Variants in NUDT1 observed in about 807,000 individuals in gnomAD.
NUDT1 encodes the protein oxidized purine nucleoside triphosphate hydrolase.
In NUDT1, 16 loss-of-function variants were observed where a neutral mutation model predicts 11.3. That is an observed-to-expected ratio of 1.41 (90% confidence interval 0.96 to 2.15). The LOEUF is 2.15. Among genes scored for constraint, NUDT1 ranks in the 30% most tolerant of loss-of-function variants. The pLI is 0.00. For synonymous variants in NUDT1, 101 were observed against 84.4 expected (o/e 1.20, Z -1.08); for missense variants, 234 against 208.4 (o/e 1.12, Z -0.76).
chr7:2,247,361 C>A (rs938505391), intron 2 of NUDT1, among the ~76,000 whole-genome samples: 2 of 152,216 alleles, frequency 1.3e-5, no homozygotes, highest in African/African-American at 2.4e-5. Flanking sequence ...TAACCCCAGT[C>A]CAGAGGGCTG....
At chr7:2,244,527 G>T in intron 1 of NUDT1, 36 bp from the exon 2 acceptor site, 3 of 1,356,818 alleles carry the variant, frequency 2.2e-6, no homozygotes, top group Non-Finnish European at 2.9e-6. Flanking sequence ...CTCCACGCAC[G>T]TCATGGCTGA....
chr7:2,250,096 C>A, intron 3 of NUDT1, 94 bp downstream of exon 3: 1 of 1,533,692 alleles, frequency 6.5e-7, no homozygotes, highest in Non-Finnish European at 8.9e-7. Context: ...CTCTGAGTGC[C>A]AGGGACCGGG....
At position 2,251,018 on chromosome 7, in the gene NUDT1, C is replaced by A. The variant is rs761944519; in HGVS notation, c.*17C>A. 43 of 1,612,680 alleles carry A rather than the reference C, an allele frequency of 2.7e-5. No homozygotes were observed. In the South Asian group the frequency reaches 4.1e-4, roughly 15 times the overall value. Reference sequence around the variant, plus strand: ...ACGGTCTAGCGGGAGCCCAGGGCAGCCCCTGGGCAGGAGACGTGGCTGCTG... The same window carrying A: ...ACGGTCTAGCGGGAGCCCAGGGCAGACCCTGGGCAGGAGACGTGGCTGCTG... On this transcript the variant is annotated 3_prime_UTR_variant, in exon 4 of 4. Transcript: ENST00000356714.
intron 2 of NUDT1, among the ~76,000 whole-genome samples, chr7:2,244,961 G>A (rs966168901): frequency 6.6e-6 from 1 of 152,216 alleles, no homozygotes; most frequent in Non-Finnish European, 1.5e-5. Flanking sequence ...CGCGGTGTGC[G>A]GTGCGTGCTG....
chr7:2,248,251 C>G (rs934437295), intron 2 of NUDT1: 1 of 152,220 alleles, frequency 6.6e-6, no homozygotes, highest in African/African-American at 2.4e-5. Flanking sequence ...CTGAGGTGCC[C>G]AGCGGCTGCA....
chr7:2,247,034 G>T (rs1054264100), intron 2 of NUDT1, among the ~76,000 whole-genome samples: 4 of 152,176 alleles, frequency 2.6e-5, no homozygotes, highest in Non-Finnish European at 5.9e-5. Context: ...CAGGGCCCCG[G>T]GAACCCAGCA....
intron 2 of NUDT1, among the ~76,000 whole-genome samples, chr7:2,246,435 CAGA>C (rs746901724): frequency 2.0e-5 from 3 of 152,190 alleles, no homozygotes; most frequent in Non-Finnish European, 4.4e-5. Context: ...GAGACATTTG[CAGA>C]AGCACAGAGG....
intron 1 of NUDT1, chr7:2,242,616 C>A: frequency 3.0e-6 from 1 of 332,532 alleles, no homozygotes; most frequent in Non-Finnish European, 5.5e-6. Context: ...TGACCTGCCT[C>A]CGCCACCAGG....
intron 1 of NUDT1, chr7:2,242,466 G>A: frequency 2.0e-6 from 1 of 493,440 alleles, no homozygotes; most frequent in Non-Finnish European, 3.6e-6. Context: ...AAGGAGAGCG[G>A]GGCGGAGGCT....
intron 2 of NUDT1, among the ~76,000 whole-genome samples, chr7:2,245,543 C>T (rs33922585): frequency 0.29 from 44,482 of 152,096 alleles, 7,885 homozygotes; most frequent in East Asian, 0.56. Flanking sequence ...AGTAGCCGCC[C>T]TTATTACATA....
chr7:2,247,875 G>GT (rs1295814648), intron 2 of NUDT1: 1 of 152,280 alleles, frequency 6.6e-6, no homozygotes, highest in Admixed American at 6.5e-5. Context: ...GCCAAGAGGC[G>GT]GGTGAGGCCC....
intron 2 of NUDT1, among the ~76,000 whole-genome samples, chr7:2,247,072 C>T (rs1003570195): frequency 2.6e-5 from 4 of 152,202 alleles, no homozygotes; most frequent in Admixed American, 6.5e-5. Flanking sequence ...CAGGGGATGA[C>T]GTACCATCAG....
At chr7:2,247,124 G>A (rs962885070) in intron 2 of NUDT1, among the ~76,000 whole-genome samples, 21 of 152,196 alleles carry the variant, frequency 1.4e-4, no homozygotes, top group African/African-American at 4.6e-4. Flanking sequence ...GTACCTGCGA[G>A]TCTGAATGGA....
At chr7:2,244,467 A>G in intron 1 of NUDT1, 96 bp from the exon 2 acceptor site, 2 of 419,784 alleles carry the variant, frequency 4.8e-6, no homozygotes, top group Non-Finnish European at 8.3e-6. Flanking sequence ...CCCGCCCCCC[A>G]CTGCCTCCCA....
intron 2 of NUDT1, among the ~76,000 whole-genome samples, chr7:2,247,558 C>T (rs867042213): frequency 1.3e-5 from 2 of 152,222 alleles, no homozygotes; most frequent in Admixed American, 6.5e-5. Flanking sequence ...CCGGAACCTC[C>T]GACTCCCACC....
chr7:2,244,459 C>CCCCCCCCCCA, intron 1 of NUDT1, 104 bp from the exon 2 acceptor site: 18 of 971,518 alleles, frequency 1.9e-5, no homozygotes, highest in East Asian at 8.6e-5. Flanking sequence ...CATACCCCCC[C>CCCCCCCCCCA]GCCCCCCACT....
At chr7:2,250,520 C>T (rs1192919641) in intron 3 of NUDT1, among the ~76,000 whole-genome samples, 3 of 152,252 alleles carry the variant, frequency 2.0e-5, no homozygotes, top group Non-Finnish European at 2.9e-5. Flanking sequence ...GGCAATGGCG[C>T]AATCTCGGCT....
Position 2,250,696 on chromosome 7 carries a change from G to A in NUDT1, c.299-133G>A, listed in dbSNP as rs1212977602. 1.4e-5 allele frequency: 9 copies of A among 644,630 alleles called. No individual in the cohort carries two copies. The African/African-American group carries it at 1.6e-4, about 12-fold the overall frequency. The allele number at this position is 644,630 out of a possible 1,614,324, so 39.9% of individuals were successfully genotyped here. On this transcript the variant is annotated intron_variant, in intron 3 of 3. Coordinates refer to ENST00000356714, the MANE Select transcript of NUDT1 (RefSeq NM_002452.4). ...GATGGTCTCGATCTCCTGACCTCGT[G>A]ATCCTCCCGCCTCGGCCTCCCAAAG...
chr7:2,245,487 T>TA (rs1031062011), intron 2 of NUDT1, among the ~76,000 whole-genome samples: 50 of 152,350 alleles, frequency 3.3e-4, no homozygotes, highest in African/African-American at 1.2e-3. Flanking sequence ...TGTACTCTGA[T>TA]AGAGTGTACA....
Sources: allele counts gnomAD v4.1 joint callset (sites outside exome capture counted in the v4.1 genomes callset), GRCh38; gene constraint gnomAD v4.1.1; transcripts MANE v1.5; gene names NCBI Gene and HGNC (gene_info 2026-07-23, HGNC 2026-07-21).